Variants in MYO15A observed in about 807,000 individuals in gnomAD.
MYO15A encodes myosin XVA, also known as unconventional myosin-XV.
In MYO15A, 308 loss-of-function variants were observed where a neutral mutation model predicts 394.6. The observed-to-expected ratio is 0.78, with a 90% CI of 0.71 to 0.86. The LOEUF is 0.86. Ranked by LOEUF, MYO15A falls within the 40% of genes least tolerant of loss-of-function variation. MYO15A has a pLI of 0.00. For synonymous variants in MYO15A, 1,957 were observed against 2,003.8 expected (o/e 0.98, Z 0.62); for missense variants, 4,606 against 4,799.1 (o/e 0.96, Z 1.19).
Position 18,148,895 on chromosome 17 carries a change from A to C in MYO15A, c.6899A>C (p.Lys2300Thr), listed in dbSNP as rs772965932. ...CTGCTCAGGGACTTCCCTCGACAGAAGTCCTACTTCATTGTGGGCACAGAG... is the reference window on the plus strand; with the variant it reads ...CTGCTCAGGGACTTCCCTCGACAGACGTCCTACTTCATTGTGGGCACAGAG... Reference protein sequence around the residue: ...LELLRDFPRQKSYFIVGTEGP... With the variant: ...LELLRDFPRQTSYFIVGTEGP... Residue 2300 changes from lysine (K) to threonine (T), a missense_variant, in exon 33 of 66, where the codon AAG becomes ACG. Lys to Thr is a moderately conservative substitution (Grantham distance 78). Around this residue, in one of 2 missense-constraint regions of MYO15A, gnomAD observed 2,776 missense variants for 3,109.3 expected, o/e 0.89. Coordinates refer to ENST00000647165, the MANE Select transcript of MYO15A (RefSeq NM_016239.4). This position sits in a 1 kb window ranked among gnomAD's most constrained non-coding sequence, Gnocchi z 4.8. 6.9e-5 allele frequency: 111 copies of C among 1,608,040 alleles called. No homozygotes were observed. Among genetic ancestry groups the C allele is most frequent in the Non-Finnish European group, 9.3e-5 (109 of 1,177,410 alleles).
rs574540945 is a variant in MYO15A at position 18,133,278 on chromosome 17, C to T, written c.4374C>T (p.Leu1458=). ...GCGATGCAGATGACTTTCGCCGGCTCCTGGCTGCCATGGAGGTGTTGGGCT... is the reference window on the plus strand; with the variant it reads ...GCGATGCAGATGACTTTCGCCGGCTTCTGGCTGCCATGGAGGTGTTGGGCT... ...GKSDADDFRR[L]LAAMEVLGFS... is the part of the protein sequence containing the mutation. Residue 1458 remains leucine (L), a synonymous_variant, in exon 12 of 66, where the codon CTC becomes CTT. Coordinates refer to ENST00000647165, the MANE Select transcript of MYO15A (RefSeq NM_016239.4). 1.9e-6 allele frequency: 3 copies of T among 1,614,164 alleles called. No individual in the cohort carries two copies. Among genetic ancestry groups the T allele is most frequent in the African/African-American group, 2.7e-5 (2 of 75,036 alleles).
At chr17:18,111,800 G>A (rs2045725398) in intron 1 of MYO15A, among the ~76,000 whole-genome samples, 1 of 152,208 alleles carries the variant, frequency 6.6e-6, no homozygotes, top group African/African-American at 2.4e-5. Context: ...ACTGTGCCCA[G>A]CTCTCCGCTA....
In MYO15A at chr17:18,139,575, G is replaced by C; in HGVS notation, c.5175G>C (p.Gln1725His). The stretch of plus-strand genomic sequence containing the variant: ...ACAAGAACCACGACCAAGTGCGCCA[G>C]GATGTGCTGGACCTGTTCGTACGGA... ...FLDKNHDQVR[Q>H]DVLDLFVRSR... is the part of the protein sequence containing the mutation. Residue 1725 changes from glutamine (Q) to histidine (H), a missense_variant, in exon 19 of 66, where the codon CAG (glutamine) becomes CAC (histidine). Physicochemically the swap from Gln to His is conservative, Grantham distance 24 (BLOSUM62 0). Coordinates refer to ENST00000647165, the MANE Select transcript of MYO15A (RefSeq NM_016239.4). 1 of 1,614,118 alleles carries C rather than the reference G, an allele frequency of 6.2e-7. No individual in the cohort carries two copies. The highest frequency in any genetic ancestry group is 8.5e-7 in the Non-Finnish European group (1 of 1,180,014).
intron 25 of MYO15A, 79 bp downstream of exon 25, chr17:18,142,919 T>C (rs987602210): frequency 4.5e-6 from 6 of 1,346,386 alleles, no homozygotes; most frequent in Non-Finnish European, 6.3e-6. Context: ...AGGAGACTAC[T>C]GGCCTCAGGC....
At chr17:18,159,400 G>A (rs1597812072) in intron 54 of MYO15A, 53 bp downstream of exon 54, 1 of 1,596,140 alleles carries the variant, frequency 6.3e-7, no homozygotes, top group East Asian at 2.2e-5. Context: ...ATCCAGCACT[G>A]TGTGATCTCT....
chr17:18,124,709 G>A (rs2046001384), intron 3 of MYO15A, 144 bp downstream of exon 3: 2 of 788,624 alleles, frequency 2.5e-6, no homozygotes, highest in African/African-American at 1.7e-5. Flanking sequence ...AAGACTAAAT[G>A]TGGTGTGCTT....
chr17:18,136,390 T>G, intron 13 of MYO15A, 27 bp from the exon 14 acceptor site: 3 of 1,613,344 alleles, frequency 1.9e-6, no homozygotes, highest in Non-Finnish European at 2.5e-6. Context: ...CAGCCTGATG[T>G]CACTCAAGGG....
In MYO15A at chr17:18,133,229, G is replaced by A. The variant is rs1303713824; in HGVS notation, c.4325G>A (p.Gly1442Glu). ...TCAGCCTCTGCCCTCATGCAGGGTG[G>A]GAACTGTGAGATAGCAGGAAAGAGC... ...AETYYYLNQG[G>E]NCEIAGKSDA... is the part of the protein sequence containing the mutation. The change falls in exon 12 of 66, where the codon GGG becomes GAG. Residue 1442 changes from glycine to glutamate, a missense_variant. This residue lies in a region of MYO15A where 2,776 missense variants were observed against 3,109.3 expected (regional missense o/e 0.89). Transcript: ENST00000647165. 2.5e-6 allele frequency: 4 copies of A among 1,613,930 alleles called. No homozygotes were observed. Among genetic ancestry groups the A allele is most frequent in the Non-Finnish European group, 3.4e-6 (4 of 1,180,012 alleles).
intron 42 of MYO15A, among the ~76,000 whole-genome samples, chr17:18,152,400 C>G (rs2046601359): frequency 6.6e-6 from 1 of 152,150 alleles, no homozygotes; most frequent in Admixed American, 6.5e-5. Flanking sequence ...CAGAACCCTT[C>G]AAGGTAGCAC....
chr17:18,140,382 C>T (rs758505143), intron 19 of MYO15A, 135 bp from the exon 20 acceptor site: 3 of 1,210,844 alleles, frequency 2.5e-6, no homozygotes, highest in Non-Finnish European at 3.6e-6. Flanking sequence ...ATGACAGAGG[C>T]CTTGCAGAGA....
chr17:18,119,864 C>G lies in MYO15A; in HGVS notation c.1064C>G (p.Pro355Arg), dbSNP rs2045876025. 6.2e-7 allele frequency: 1 copy of G among 1,613,180 alleles called. No homozygotes were observed. Among genetic ancestry groups the G allele is most frequent in the East Asian group, 2.2e-5 (1 of 44,870 alleles). Reference sequence around the variant, plus strand: ...GCGCCGTACGACGCGCCATACCCACCCTATGACCTCCCATACCACACTCCC... The same window carrying G: ...GCGCCGTACGACGCGCCATACCCACGCTATGACCTCCCATACCACACTCCC... ...PYAPYDAPYP[P>R]YDLPYHTPYD... Residue 355 changes from proline to arginine, a missense_variant, in exon 2 of 66, where the codon CCC (proline) becomes CGC (arginine). By Grantham distance (103) the Pro-to-Arg change is moderately radical (BLOSUM62 -2). This residue lies in a region of MYO15A where 1,830 missense variants were observed against 1,689.7 expected (regional missense o/e 1.08). Transcript: ENST00000647165.
At chr17:18,135,978 A>T (rs1010599276) in intron 13 of MYO15A, among the ~76,000 whole-genome samples, 154 bp downstream of exon 13, 1 of 152,092 alleles carries the variant, frequency 6.6e-6, no homozygotes, top group African/African-American at 2.4e-5. Flanking sequence ...GACCCCAGAG[A>T]CATTTCAGAT....
chr17:18,116,956 CT>C (rs1377382625), intron 1 of MYO15A, among the ~76,000 whole-genome samples: 1 of 151,996 alleles, frequency 6.6e-6, no homozygotes, highest in Non-Finnish European at 1.5e-5. Flanking sequence ...AACATTGCCC[CT>C]GTCCTTCATT....
At chr17:18,141,999 C>T (rs916682925) in intron 23 of MYO15A, 80 bp from the exon 24 acceptor site, 14 of 1,556,912 alleles carry the variant, frequency 9.0e-6, no homozygotes, top group Middle Eastern at 1.8e-4. Flanking sequence ...ATTCTGTCTC[C>T]ACGGACTTCT....
At position 18,148,744 on chromosome 17, in the gene MYO15A, G is replaced by A; in HGVS notation, c.6765-17G>A. 1 of 1,584,766 alleles carries A rather than the reference G, an allele frequency of 6.3e-7. No individual in the cohort carries two copies. Among genetic ancestry groups the A allele is most frequent in the South Asian group, 1.1e-5 (1 of 87,246 alleles). ...GACTCTGTCCCTCATTTCCATTCCT[G>A]TGCATGCCATCACCAGGGGGCTGGC... On this transcript the variant is annotated splice_polypyrimidine_tract_variant and intron_variant, in intron 32 of 65. Coordinates refer to ENST00000647165, the MANE Select transcript of MYO15A (RefSeq NM_016239.4). The surrounding 1 kb of genome is among the most constrained non-coding windows in gnomAD (Gnocchi z 4.8).
At position 18,157,669 on chromosome 17, in the gene MYO15A, T is replaced by G. The variant is rs1567657867; in HGVS notation, c.8789-53T>G. The G allele has an allele frequency of 1.9e-6, 3 of 1,600,356 alleles. No individual in the cohort carries two copies. The East Asian group carries it at 6.7e-5, about 36-fold the overall frequency. On this transcript the variant is annotated intron_variant, in intron 50 of 65. Coordinates refer to ENST00000647165, the MANE Select transcript of MYO15A (RefSeq NM_016239.4). The stretch of plus-strand genomic sequence containing the variant: ...CCCAAATCTCCCTAAAGGACCCCCT[T>G]AGTCACAAGACAAGACCCTCCTGTT...
At position 18,172,455 on chromosome 17, in the gene MYO15A, C is replaced by G. The variant is rs1374324178; in HGVS notation, c.10350+165C>G. ...CTCCTCTGAGCCTTGCTTTCCTCAT[C>G]TGGAAAATGAGGATAAGAGTTGAGC... On this transcript the variant is annotated intron_variant, in intron 64 of 65. Transcript: ENST00000647165. 4 of 1,115,590 alleles carry G rather than the reference C, an allele frequency of 3.6e-6. No individual in the cohort carries two copies. In the Admixed American group the frequency reaches 6.0e-5, roughly 17 times the overall value. The allele number at this position is 1,115,590 out of a possible 1,614,324, so 69.1% of individuals were successfully genotyped here.
chr17:18,127,634 C>G (rs1461544704), intron 7 of MYO15A, among the ~76,000 whole-genome samples: 1 of 152,046 alleles, frequency 6.6e-6, no homozygotes, highest in African/African-American at 2.4e-5. Context: ...AGGATTGGAG[C>G]TTTGCTGACA....
intron 19 of MYO15A, 194 bp from the exon 20 acceptor site, chr17:18,140,323 C>A: frequency 2.7e-6 from 2 of 753,034 alleles, no homozygotes; most frequent in Non-Finnish European, 4.4e-6. Context: ...GGGATGGATC[C>A]CTTGGAAGAT....
Sources: gnomAD v4.1 joint callset for allele counts (sites outside exome capture counted in the v4.1 genomes callset) on GRCh38, gnomAD v4.1.1 for gene constraint, gnomAD v4.1.1 regional missense constraint, Gnocchi (gnomAD v3.1) non-coding constraint, MANE v1.5 for transcripts, NCBI Gene and HGNC (gene_info 2026-07-23, HGNC 2026-07-21) for gene names.